DFFB: variants seen among roughly 807,000 people sequenced by gnomAD.
The protein encoded by DFFB is DNA fragmentation factor subunit beta.
Under a neutral mutation model 32.7 loss-of-function variants are expected in DFFB, and 29 were observed. The observed-to-expected ratio is 0.89, with a 90% CI of 0.66 to 1.21. The LOEUF (loss-of-function observed/expected upper bound fraction) is 1.21, where lower values mean the gene tolerates loss of function less well. DFFB is among the 50% of genes most tolerant of loss of function. The pLI is 0.00. For synonymous variants in DFFB, 170 were observed against 177.1 expected (o/e 0.96, Z 0.32); for missense variants, 398 against 440.6 (o/e 0.90, Z 0.87).
At chr1:3,873,297 T>A (rs1645156429) in intron 6 of DFFB, among the ~76,000 whole-genome samples, 1 of 152,334 alleles carries the variant, frequency 6.6e-6, no homozygotes, top group Admixed American at 6.5e-5. Context: ...TCCTTGAATA[T>A]AATTGTAGCC....
At chr1:3,859,573 G>A (rs1044219330) in intron 2 of DFFB, among the ~76,000 whole-genome samples, 1 of 152,302 alleles carries the variant, frequency 6.6e-6, no homozygotes, top group African/African-American at 2.4e-5. Context: ...TCTGAGGGAT[G>A]GAGCTGTGGC....
chr1:3,883,434 C>A, intron 6 of DFFB, 73 bp from the exon 7 acceptor site: 3 of 1,361,978 alleles, frequency 2.2e-6, no homozygotes, highest in Non-Finnish European at 3.1e-6. Flanking sequence ...GCTGTGACTG[C>A]AATACACTGC....
intron 6 of DFFB, among the ~76,000 whole-genome samples, chr1:3,876,581 T>A (rs948982346): frequency 5.3e-5 from 8 of 152,246 alleles, no homozygotes; most frequent in African/African-American, 7.2e-5. Flanking sequence ...ACGTGCCACA[T>A]GTTTAATTAT....
chr1:3,879,013 A>G (rs1645282887), intron 6 of DFFB, among the ~76,000 whole-genome samples: 1 of 152,242 alleles, frequency 6.6e-6, no homozygotes, highest in Non-Finnish European at 1.5e-5. Context: ...AGGATGACAG[A>G]TACCTACCTT....
rs377319539 is a variant in DFFB at position 3,881,795 on chromosome 1, A to G, written c.783-1712A>G. ...TGAGGCAGGAGAATGACTTGAACCC[A>G]GGAGGCGGACATTACCGTGAGCTGA... On this transcript the variant is annotated intron_variant, in intron 6 of 6. Transcript: ENST00000378209. 5.9e-5 allele frequency among the ~76,000 whole-genome samples: 9 copies of G among 151,990 alleles called. No individual in the cohort carries two copies. The East Asian group carries it at 1.6e-3, about 27-fold the overall frequency.
Position 3,866,001 on chromosome 1 carries a change from G to A in DFFB, c.430+1G>A, listed in dbSNP as rs766919853. 23 of 1,550,102 alleles carry A rather than the reference G, an allele frequency of 1.5e-5. No individual in the cohort carries two copies. Among genetic ancestry groups the A allele is most frequent in the Non-Finnish European group, 2.0e-5 (23 of 1,147,808 alleles). On this transcript the variant is annotated splice_donor_variant, in intron 3 of 6. Coordinates refer to ENST00000378209, the MANE Select transcript of DFFB (RefSeq NM_004402.4). LOFTEE classifies it high-confidence loss of function. ...GCTGAGGACCCGCCGTGGTTTGAAG[G>A]TGCGTGGGGGCTGCAGCTGGCAGGG... is the stretch of plus-strand genomic sequence containing the variant.
intron 5 of DFFB, 52 bp downstream of exon 5, chr1:3,869,827 A>C: frequency 6.5e-7 from 1 of 1,527,314 alleles, no homozygotes; most frequent in Non-Finnish European, 8.8e-7. Flanking sequence ...TGTGGAACAC[A>C]GCCCGCCTGG....
Position 3,865,678 on chromosome 1 carries a change from A to G in DFFB, c.242-134A>G, listed in dbSNP as rs775289983. ...CAGGGCAAGGACAAAGACCCGGGAC[A>G]CCTCAAGTCTGAGTCCTGGTGATTG... On this transcript the variant is annotated intron_variant, in intron 2 of 6. Coordinates refer to ENST00000378209, the MANE Select transcript of DFFB (RefSeq NM_004402.4). The surrounding 1 kb of genome is among the most constrained non-coding windows in gnomAD (Gnocchi z 4.7). The G allele has an allele frequency of 8.6e-6, 12 of 1,388,954 alleles. No individual in the cohort carries two copies. The highest frequency in any genetic ancestry group is 9.2e-6 in the Non-Finnish European group (9 of 975,814). 86.0% of individuals were successfully genotyped at this position (1,388,954 alleles called of 1,614,324 possible).
intron 6 of DFFB, among the ~76,000 whole-genome samples, chr1:3,880,501 C>G (rs1256553244): frequency 6.6e-6 from 1 of 152,190 alleles, no homozygotes; most frequent in Non-Finnish European, 1.5e-5. Flanking sequence ...AGTGAGGGTC[C>G]TTGTGGACTG....
chr1:3,877,840 T>G (rs750162629), intron 6 of DFFB, among the ~76,000 whole-genome samples: 1 of 110,960 alleles, frequency 9.0e-6, no homozygotes, highest in Non-Finnish European at 2.1e-5. Context: ...CTGTGCCGGC[T>G]TTCTATTCTG....
At chr1:3,872,084 G>A (rs1464418675) in intron 5 of DFFB, among the ~76,000 whole-genome samples, 1 of 152,180 alleles carries the variant, frequency 6.6e-6, no homozygotes, top group African/African-American at 2.4e-5. Context: ...GGGGCTGCAC[G>A]TCCAAAGCAT....
intron 6 of DFFB, among the ~76,000 whole-genome samples, chr1:3,881,355 T>C (rs116294018): frequency 0.052 from 7,982 of 152,318 alleles, 308 homozygotes; most frequent in Non-Finnish European, 0.076. Context: ...GGGTTTCCCT[T>C]CCTCTTGCCC....
intron 2 of DFFB, 86 bp downstream of exon 2, chr1:3,858,930 G>A: frequency 6.4e-7 from 1 of 1,563,472 alleles, no homozygotes; most frequent in Non-Finnish European, 8.6e-7. Flanking sequence ...CATCAGGGTG[G>A]GGAAGAGTCC....
At position 3,870,050 on chromosome 1, in the gene DFFB, C is replaced by T. The variant is rs373914515; in HGVS notation, c.681+275C>T. Among the ~76,000 whole-genome samples, 13 of 152,364 alleles carry T rather than the reference C, an allele frequency of 8.5e-5. No homozygotes were observed. In the East Asian group the frequency reaches 1.9e-3, roughly 23 times the overall value. On this transcript the variant is annotated intron_variant, in intron 5 of 6. Coordinates refer to ENST00000378209, the MANE Select transcript of DFFB (RefSeq NM_004402.4). Reference sequence around the variant, plus strand: ...TGCTGGGCGGTGTCTTAGTCAGCCCCGGCTGCCATAACAGATGACCCCTGC... The same window carrying T: ...TGCTGGGCGGTGTCTTAGTCAGCCCTGGCTGCCATAACAGATGACCCCTGC...
intron 5 of DFFB, among the ~76,000 whole-genome samples, chr1:3,870,442 C>T (rs1346216460): frequency 6.6e-6 from 1 of 152,240 alleles, no homozygotes; most frequent in African/African-American, 2.4e-5. Flanking sequence ...CTGCTCCTGC[C>T]AGGCAGATCC....
Position 3,862,077 on chromosome 1 carries a change from C to T in DFFB, c.241+3233C>T, listed in dbSNP as rs749809074. On this transcript the variant is annotated intron_variant, in intron 2 of 6. Transcript: ENST00000378209. ...TGCAAATATAGAAATACACTTCCAA[C>T]GAACAATCTGAAAATGAAGCAGAAA... Among the ~76,000 whole-genome samples, 5 of 152,106 alleles carry T rather than the reference C, an allele frequency of 3.3e-5. No homozygotes were observed. The South Asian group carries it at 6.2e-4, about 19-fold the overall frequency.
chr1:3,866,659 C>T (rs1644986274), intron 3 of DFFB, among the ~76,000 whole-genome samples: 1 of 152,192 alleles, frequency 6.6e-6, no homozygotes, highest in Admixed American at 6.5e-5. Flanking sequence ...CGGCCATCCC[C>T]ACCGTCATCT....
At position 3,872,005 on chromosome 1, in the gene DFFB, A is replaced by G. The variant is rs533289769; in HGVS notation, c.682-467A>G. Among the ~76,000 whole-genome samples, 11 of 152,274 alleles carry G rather than the reference A, an allele frequency of 7.2e-5. No homozygotes were observed. In the South Asian group the frequency reaches 2.3e-3, roughly 32 times the overall value. ...GACCCTTCATGAGAAATCCACCCCC[A>G]GGATCCATCACCTCCCACCAGGCCC... On this transcript the variant is annotated intron_variant, in intron 5 of 6. Coordinates refer to ENST00000378209, the MANE Select transcript of DFFB (RefSeq NM_004402.4).
chr1:3,873,477 AT>A lies in DFFB; in HGVS notation c.782+922del, dbSNP rs201543955. ...CTCATCCGGGCATTTAGGATTTGGG[AT>A]TTTTTTTTTTTTTTTTCTGAGATGG... On this transcript the variant is annotated intron_variant, in intron 6 of 6. Coordinates refer to ENST00000378209, the MANE Select transcript of DFFB (RefSeq NM_004402.4). Among the ~76,000 whole-genome samples, 888 of 138,702 alleles carry A rather than the reference AT, an allele frequency of 6.4e-3. 6 individuals carry two copies. The highest frequency in any genetic ancestry group is 0.016 in the African/African-American group (613 of 37,202). The allele number at this position is 138,702 out of a possible 152,430, so 91.0% of individuals were successfully genotyped here. A position where few individuals can be genotyped will look rare whatever the true frequency, so the allele number is the denominator to read the frequency against.
Sources: allele counts gnomAD v4.1 joint callset (sites outside exome capture counted in the v4.1 genomes callset), GRCh38; gene constraint gnomAD v4.1.1; non-coding constraint Gnocchi (gnomAD v3.1); transcripts MANE v1.5; gene names NCBI Gene and HGNC (gene_info 2026-07-23, HGNC 2026-07-21).